Variants in NTPCR observed in about 807,000 individuals in gnomAD.
NTPCR encodes cancer-related nucleoside-triphosphatase.
NTPCR carries 15 observed loss-of-function variants against 19.5 expected under a neutral mutation model. The ratio of observed to expected loss-of-function variants is 0.77; its 90% confidence interval spans 0.51 to 1.18. The LOEUF is 1.18. NTPCR is among the 50% of genes most tolerant of loss of function. NTPCR has a pLI of 0.00. For missense variants in NTPCR, 206 were observed against 240.4 expected, an observed-to-expected ratio of 0.86 and a Z score of 0.95; for synonymous variants, 90 against 95.8, an observed-to-expected ratio of 0.94 and a Z score of 0.36.
intron 3 of NTPCR, 83 bp downstream of exon 3, chr1:232,956,526 T>TAAGAGCAAAAGGCA: frequency 4.1e-6 from 4 of 971,472 alleles, no homozygotes; most frequent in South Asian, 1.4e-5. Flanking sequence ...AGAATGCCTT[T>TAAGAGCAAAAGGCA]TGCTCTTAAA....
chr1:232,978,070 G>A (rs960178489), intron 4 of NTPCR, 93 bp from the exon 5 acceptor site: 1 of 1,070,210 alleles, frequency 9.3e-7, no homozygotes, highest in Admixed American at 2.0e-5. Flanking sequence ...CCCTCTCCCA[G>A]CCTTCCAGGC....
intron 1 of NTPCR, among the ~76,000 whole-genome samples, chr1:232,954,477 C>T (rs6424261): frequency 0.22 from 32,811 of 152,078 alleles, 3,574 homozygotes; most frequent in African/African-American, 0.23. Context: ...CTCTCTCTTT[C>T]CATTGTTGGG....
chr1:232,977,246 C>A, intron 4 of NTPCR: 1 of 153,026 alleles, frequency 6.5e-6, no homozygotes. Context: ...GCCCCTGTTC[C>A]TGCCTGCCCC....
At position 232,955,632 on chromosome 1, in the gene NTPCR, A is replaced by G; in HGVS notation, c.110A>G (p.Tyr37Cys). ...TCTGGTGTGCCTGTTGATGGATTTTATACCGAAGAAGTCAGACAGGGAGGG... is the reference window on the plus strand; with the variant it reads ...TCTGGTGTGCCTGTTGATGGATTTTGTACCGAAGAAGTCAGACAGGGAGGG... ...KSSGVPVDGFYTEEVRQGGRR... is the reference protein window; with the variant it reads ...KSSGVPVDGFCTEEVRQGGRR... Residue 37 changes from tyrosine (Y) to cysteine (C), a missense_variant, in exon 2 of 5, where the codon TAT (tyrosine) becomes TGT (cysteine). Tyr to Cys is a radical substitution (Grantham distance 194, BLOSUM62 -2). Coordinates refer to ENST00000366628, the MANE Select transcript of NTPCR (RefSeq NM_032324.3). The G allele has an allele frequency of 6.2e-7, 1 of 1,611,944 alleles. No homozygotes were observed. The highest frequency in any genetic ancestry group is 1.1e-5 in the South Asian group (1 of 91,012).
rs1669253638 is a variant in NTPCR, at chr1:232,980,478, T to G, written c.*2247T>G. On this transcript the variant is annotated 3_prime_UTR_variant, in exon 5 of 5. Coordinates refer to ENST00000366628, the MANE Select transcript of NTPCR (RefSeq NM_032324.3). ...TGTTTTGTGCCCCCAGACCTCAGAG[T>G]TGACATTTAGCAGTGATAAACTGCT... 1.3e-5 allele frequency: 2 copies of G among 152,180 alleles called. No homozygotes were observed. Among genetic ancestry groups the G allele is most frequent in the African/African-American group, 4.8e-5 (2 of 41,426 alleles). The allele number at this position is 152,180 out of a possible 1,614,324, so 9.4% of individuals were successfully genotyped here.
chr1:232,951,125 AG>A (rs1668353722), intron 1 of NTPCR: 1 of 204,828 alleles, frequency 4.9e-6, no homozygotes, highest in Non-Finnish European at 9.8e-6. Flanking sequence ...TTCTGTTGAT[AG>A]TCACAGGTAT....
chr1:232,974,558 C>G (rs1669074741), intron 4 of NTPCR, among the ~76,000 whole-genome samples: 1 of 152,180 alleles, frequency 6.6e-6, no homozygotes, highest in Admixed American at 6.5e-5. Flanking sequence ...AAAGAAAGAA[C>G]AGTACCTGAG....
chr1:232,973,472 G>T (rs1449064662), intron 4 of NTPCR, among the ~76,000 whole-genome samples: 1 of 152,160 alleles, frequency 6.6e-6, no homozygotes, highest in East Asian at 1.9e-4. Flanking sequence ...AGACAGACTG[G>T]CTAGGAACCT....
At chr1:232,958,644 C>A (rs1056514913) in intron 3 of NTPCR, among the ~76,000 whole-genome samples, 27 of 152,210 alleles carry the variant, frequency 1.8e-4, no homozygotes, top group Admixed American at 3.3e-4. Flanking sequence ...ATTCCTTCCT[C>A]TTGGAACTTA....
chr1:232,951,004 G>A (rs1668350410), intron 1 of NTPCR: 3 of 452,126 alleles, frequency 6.6e-6, no homozygotes, highest in Non-Finnish European at 7.8e-6. Flanking sequence ...GGCAGAAACC[G>A]CAGGGGCCAG....
intron 3 of NTPCR, among the ~76,000 whole-genome samples, chr1:232,960,213 CAA>C (rs755184503): frequency 1.8e-4 from 5 of 27,494 alleles, no homozygotes; most frequent in Admixed American, 1.4e-3. Context: ...GACTCCATCT[CAA>C]AAAAAAAAAA....
At chr1:232,950,935 AG>A (rs1172215369) in intron 1 of NTPCR, 191 bp downstream of exon 1, 1 of 566,758 alleles carries the variant, frequency 1.8e-6, no homozygotes, top group African/African-American at 1.9e-5. Flanking sequence ...TAAAAGACAC[AG>A]GGCCTAAAGG....
Position 232,983,155 on chromosome 1 carries a change from C to A in NTPCR, c.*4924C>A, listed in dbSNP as rs1669326574. The A allele has an allele frequency of 6.6e-6, 1 of 152,132 alleles. No homozygotes were observed. Among genetic ancestry groups the A allele is most frequent in the Non-Finnish European group, 1.5e-5 (1 of 68,022 alleles). The allele number at this position is 152,132 out of a possible 1,614,324, so 9.4% of individuals were successfully genotyped here. A position where few individuals can be genotyped will look rare whatever the true frequency, so the allele number is the denominator to read the frequency against. On this transcript the variant is annotated 3_prime_UTR_variant, in exon 5 of 5. Coordinates refer to ENST00000366628, the MANE Select transcript of NTPCR (RefSeq NM_032324.3). ...AATACCCTTCCCCCAACCCTCTCCT[C>A]AAATTTCCAAATCCTAAATACTTTG...
At position 232,973,134 on chromosome 1, in the gene NTPCR, C is replaced by T. The variant is rs79541564; in HGVS notation, c.504+3016C>T. Among the ~76,000 whole-genome samples, 936 of 152,206 alleles carry T rather than the reference C, an allele frequency of 6.1e-3. 2 individuals carry two copies. Among genetic ancestry groups the T allele is most frequent in the Middle Eastern group, 0.01 (3 of 294 alleles). The stretch of plus-strand genomic sequence containing the variant: ...CGTAGTGTGAAGATGAGACTGAGCC[C>T]GTGATATGGGGGAAATGTACCACAC... On this transcript the variant is annotated intron_variant, in intron 4 of 4. Transcript: ENST00000366628.
At position 232,950,617 on chromosome 1, in the gene NTPCR, G is replaced by T. The variant is rs1174146340; in HGVS notation, c.-94G>T. 3 of 1,008,162 alleles carry T rather than the reference G, an allele frequency of 3.0e-6. No individual in the cohort carries two copies. Among genetic ancestry groups the T allele is most frequent in the Admixed American group, 3.7e-5 (2 of 54,160 alleles). The allele number at this position is 1,008,162 out of a possible 1,614,324, so 62.5% of individuals were successfully genotyped here. A position where few individuals can be genotyped will look rare whatever the true frequency, so the allele number is the denominator to read the frequency against. On this transcript the variant is annotated 5_prime_UTR_variant, in exon 1 of 5. Coordinates refer to ENST00000366628, the MANE Select transcript of NTPCR (RefSeq NM_032324.3). ...GGGGCCTGCGACACGCGGTGGGCGG[G>T]TCCTGAGTCGCGACCCTGGTCCGGA...
intron 3 of NTPCR, chr1:232,962,769 T>C (rs1445242346): frequency 6.6e-6 from 1 of 152,244 alleles, no homozygotes; most frequent in Non-Finnish European, 1.5e-5. Flanking sequence ...CCTGTTTTGA[T>C]TAAAATAAGT....
rs182511305 is a variant in NTPCR, at chr1:232,952,197, T to C, written c.34+1453T>C. 2.5e-3 allele frequency among the ~76,000 whole-genome samples: 383 copies of C among 152,272 alleles called. 2 individuals are homozygous for C. Among genetic ancestry groups the C allele is most frequent in the African/African-American group, 9.1e-3 (377 of 41,554 alleles). On this transcript the variant is annotated intron_variant, in intron 1 of 4. Transcript: ENST00000366628. ...CACAACAGAGCCACATAGTAATCTA[T>C]GATTTCTTTTCCATTTATTTATTTA...
chr1:232,978,012 T>C, intron 4 of NTPCR, 151 bp from the exon 5 acceptor site: 1 of 600,848 alleles, frequency 1.7e-6, no homozygotes, highest in Admixed American at 3.0e-5. Flanking sequence ...TGTTTCTGAG[T>C]GCTCCTGAAG....
intron 4 of NTPCR, chr1:232,976,456 T>C (rs1171551692): frequency 5.8e-6 from 9 of 1,550,312 alleles, no homozygotes. Context: ...GAACTCAGAG[T>C]GGAAGAAAAG....
Sources: gnomAD v4.1 joint callset for allele counts (sites outside exome capture counted in the v4.1 genomes callset) on GRCh38, gnomAD v4.1.1 for gene constraint, MANE v1.5 for transcripts, NCBI Gene and HGNC (gene_info 2026-07-23, HGNC 2026-07-21) for gene names.